SAE1: variants seen among roughly 807,000 people sequenced by gnomAD.
SAE1 encodes the protein SUMO-activating enzyme subunit 1.
Under a neutral mutation model 40.6 loss-of-function variants are expected in SAE1, and 11 were observed. The observed-to-expected ratio is 0.27, with a 90% CI of 0.17 to 0.45. The LOEUF is 0.45. SAE1 is among the 20% of genes least tolerant of loss of function. The pLI, the probability that SAE1 is intolerant of heterozygous loss-of-function variation, is 1.00. For missense variants in SAE1, 373 were observed against 427.3 expected (o/e 0.87, Z 1.12); for synonymous variants, 155 against 154.3 (o/e 1.00, Z -0.03).
intron 7 of SAE1, among the ~76,000 whole-genome samples, chr19:47,202,416 T>G (rs376951250): frequency 6.6e-6 from 1 of 151,768 alleles, no homozygotes; most frequent in Non-Finnish European, 1.5e-5. Context: ...ACCTCCTGAG[T>G]AGCTGGGACT....
intron 1 of SAE1, among the ~76,000 whole-genome samples, chr19:47,134,540 C>T (rs1298338978): frequency 6.6e-6 from 1 of 151,670 alleles, no homozygotes; most frequent in East Asian, 1.9e-4. Context: ...CTGCTATTTT[C>T]TGGATGGAGT....
intron 6 of SAE1, among the ~76,000 whole-genome samples, chr19:47,177,697 A>G (rs1314898276): frequency 6.6e-6 from 1 of 152,176 alleles, no homozygotes; most frequent in Non-Finnish European, 1.5e-5. Flanking sequence ...CATTTGCATT[A>G]TTCCATAATA....
At chr19:47,144,553 G>T (rs1450472383) in intron 2 of SAE1, among the ~76,000 whole-genome samples, 2 of 151,534 alleles carry the variant, frequency 1.3e-5, no homozygotes, top group Non-Finnish European at 2.9e-5. Context: ...CAAAAAATTA[G>T]CAGGGCTTGG....
At chr19:47,205,551 C>T (rs2058681985) in intron 8 of SAE1, among the ~76,000 whole-genome samples, 2 of 152,060 alleles carry the variant, frequency 1.3e-5, no homozygotes, top group Non-Finnish European at 1.5e-5. Flanking sequence ...AATGGCCACC[C>T]AGAGGACTGT....
chr19:47,134,329 G>A (rs372179818), intron 1 of SAE1, among the ~76,000 whole-genome samples: 14 of 151,962 alleles, frequency 9.2e-5, no homozygotes, highest in Admixed American at 8.5e-4. Flanking sequence ...GGAGCTTTCA[G>A]AAGGTTTTAG....
intron 6 of SAE1, among the ~76,000 whole-genome samples, chr19:47,178,538 A>G (rs886417666): frequency 2.6e-5 from 4 of 152,178 alleles, no homozygotes; most frequent in Non-Finnish European, 5.9e-5. Flanking sequence ...TGCAGGTGCA[A>G]TCTCAGCTCA....
chr19:47,164,873 C>T (rs991436009), intron 5 of SAE1, among the ~76,000 whole-genome samples: 1 of 151,478 alleles, frequency 6.6e-6, no homozygotes, highest in African/African-American at 2.4e-5. Flanking sequence ...AGGATGGTCT[C>T]GATCTCCTGA....
At chr19:47,194,763 T>G (rs1179067303) in intron 6 of SAE1, among the ~76,000 whole-genome samples, 1 of 151,226 alleles carries the variant, frequency 6.6e-6, no homozygotes, top group Admixed American at 6.6e-5. Context: ...TTTTTTTTTT[T>G]TTTTGAGATG....
At chr19:47,138,246 G>A (rs188611024) in intron 1 of SAE1, among the ~76,000 whole-genome samples, 316 of 152,122 alleles carry the variant, frequency 2.1e-3, no homozygotes, top group African/African-American at 7.3e-3. Flanking sequence ...GTTTCGCCAT[G>A]TTGGCCAGGG....
chr19:47,187,972 C>T (rs965516231), intron 6 of SAE1, among the ~76,000 whole-genome samples: 25 of 152,258 alleles, frequency 1.6e-4, no homozygotes, highest in Middle Eastern at 6.8e-3. Flanking sequence ...GTAGTGACAT[C>T]GCCTTTGCCC....
Position 47,150,207 on chromosome 19 carries a change from TC to T in SAE1, c.218del (p.Pro73GlnfsTer9). 1 of 1,585,590 alleles carries T rather than the reference TC, an allele frequency of 6.3e-7. No individual in the cohort carries two copies. Among genetic ancestry groups the T allele is most frequent in the Non-Finnish European group, 8.6e-7 (1 of 1,169,018 alleles). On this transcript the variant is annotated frameshift_variant, in exon 3 of 9. Transcript: ENST00000270225. LOFTEE classifies it high-confidence loss of function. ...AATATGTGTATTATTCCTAGGTAAC[TC>T]CAGAAGATCCCGGAGCTCAGTTCTT... ...LTMLDHEQVT[P>X]EDPGAQFLIR...
chr19:47,154,976 T>G, intron 4 of SAE1, 138 bp from the exon 5 acceptor site: 1 of 642,128 alleles, frequency 1.6e-6, no homozygotes, highest in Non-Finnish European at 2.8e-6. Flanking sequence ...ATGGCAGAGC[T>G]CGATTTGAAC....
chr19:47,183,319 G>A (rs1263571900), intron 6 of SAE1, among the ~76,000 whole-genome samples: 1 of 151,942 alleles, frequency 6.6e-6, no homozygotes, highest in Non-Finnish European at 1.5e-5. Context: ...AATCTTGGAA[G>A]GGCTAAGTCA....
chr19:47,141,905 AAG>A (rs2058224458), intron 1 of SAE1, among the ~76,000 whole-genome samples: 2 of 152,076 alleles, frequency 1.3e-5, no homozygotes, highest in South Asian at 4.1e-4. Flanking sequence ...ACATGATGTA[AAG>A]TCTGTATTTC....
chr19:47,162,072 G>A (rs1223723299), intron 5 of SAE1, among the ~76,000 whole-genome samples: 1 of 152,168 alleles, frequency 6.6e-6, no homozygotes, highest in Non-Finnish European at 1.5e-5. Context: ...TGTGGCCATT[G>A]GCATCTGTAT....
intron 6 of SAE1, among the ~76,000 whole-genome samples, chr19:47,182,464 A>AGTGTGTGTGTGTGTGTGTGT (rs113149127): frequency 6.9e-6 from 1 of 144,358 alleles, no homozygotes; most frequent in East Asian, 2.1e-4. Flanking sequence ...AAAAAAGCGT[A>AGTGTGTGTGTGTGTGTGTGT]GTGTGTGTGT....
chr19:47,202,302 A>T (rs940184442), intron 7 of SAE1, among the ~76,000 whole-genome samples: 4 of 151,570 alleles, frequency 2.6e-5, no homozygotes, highest in Admixed American at 1.3e-4. Flanking sequence ...TTATTTATTT[A>T]TTTTTTGAGA....
rs2058216044 is a variant in SAE1, at chr19:47,140,671, C to A, written c.99-2823C>A. Among the ~76,000 whole-genome samples the A allele has an allele frequency of 5.3e-5, 8 of 151,626 alleles. No homozygotes were observed. In the South Asian group the frequency reaches 1.7e-3, roughly 32 times the overall value. On this transcript the variant is annotated intron_variant, in intron 1 of 8. Coordinates refer to ENST00000270225, the MANE Select transcript of SAE1 (RefSeq NM_005500.3). ...ATCAGCCAGGTGCAGTGGTGTGCAC[C>A]TATAGTCCCAGGACTCAATAGGCCG...
At chr19:47,148,998 G>C (rs2058270729) in intron 2 of SAE1, among the ~76,000 whole-genome samples, 1 of 151,488 alleles carries the variant, frequency 6.6e-6, no homozygotes, top group Non-Finnish European at 1.5e-5. Context: ...TTTTTTTTAA[G>C]TTTTCTCATG....
Sources: allele counts gnomAD v4.1 joint callset (sites outside exome capture counted in the v4.1 genomes callset), GRCh38; gene constraint gnomAD v4.1.1; transcripts MANE v1.5; gene names NCBI Gene and HGNC (gene_info 2026-07-23, HGNC 2026-07-21).